The following LAMB1 variants were observed in gnomAD, a reference collection of about 807,000 sequenced individuals.
LAMB1 encodes the protein laminin subunit beta-1.
LAMB1 carries 121 observed loss-of-function variants against 222.3 expected under a neutral mutation model. The observed-to-expected ratio is 0.54, with a 90% CI of 0.47 to 0.63. LAMB1 has a LOEUF of 0.63. LAMB1 is among the 30% of genes least tolerant of loss of function. The pLI, the probability that LAMB1 is intolerant of heterozygous loss-of-function variation, is 0.00. For synonymous variants in LAMB1, 794 were observed against 807.2 expected (o/e 0.98, Z 0.28); for missense variants, 2,172 against 2,240.8 (o/e 0.97, Z 0.62).
intron 5 of LAMB1, among the ~76,000 whole-genome samples, chr7:107,991,461 CGT>C (rs1210020361): frequency 4.0e-5 from 6 of 151,860 alleles, no homozygotes; most frequent in African/African-American, 1.2e-4. Flanking sequence ...GTGGTACATG[CGT>C]GTAATCCCAG....
rs779206814 is a variant in LAMB1 at position 107,955,540 on chromosome 7, G to A, written c.2781C>T (p.Arg927=). The A allele has an allele frequency of 6.8e-6, 11 of 1,614,040 alleles. No individual in the cohort carries two copies. In the East Asian group the frequency reaches 2.0e-4, roughly 29 times the overall value. The change falls in exon 21 of 34, where the codon CGC becomes CGT. Residue 927 remains arginine (R), a synonymous_variant. Transcript: ENST00000222399. ...CPCPDGPDSG[R]QFARSCYQDP... Reference sequence around the variant, plus strand: ...CTTGGTAGCAGCTCCTGGCAAACTGGCGTCCACTGTCGGGACCATCTGGGC... The same window carrying A: ...CTTGGTAGCAGCTCCTGGCAAACTGACGTCCACTGTCGGGACCATCTGGGC...
rs1484473971 is a variant in LAMB1 at position 107,998,354 on chromosome 7, T to C, written c.349+3A>G. 2 of 1,613,920 alleles carry C rather than the reference T, an allele frequency of 1.2e-6. No individual in the cohort carries two copies. The highest frequency in any genetic ancestry group is 1.7e-6 in the Non-Finnish European group (2 of 1,179,938). Reference sequence around the variant, plus strand: ...GGAACTTGTCCCCACACCAACCACATACCATTTTCAGATTGCCACCAAATC... The same window carrying C: ...GGAACTTGTCCCCACACCAACCACACACCATTTTCAGATTGCCACCAAATC... On this transcript the variant is annotated splice_donor_region_variant and intron_variant, in intron 4 of 33. Transcript: ENST00000222399.
chr7:107,940,238 C>T lies in LAMB1; in HGVS notation c.3512G>A (p.Gly1171Glu). The T allele has an allele frequency of 1.2e-6, 2 of 1,614,178 alleles. No individual in the cohort carries two copies. The highest frequency in any genetic ancestry group is 1.7e-6 in the Non-Finnish European group (2 of 1,180,022). ...GCAGGGTGTGCAGTCAGGGAAGACC[C>T]CCGAGTACCCTCGCGTGCACTTGTC... Reference protein sequence around the residue: ...RCDKCTRGYSGVFPDCTPCHQ... With the variant: ...RCDKCTRGYSEVFPDCTPCHQ... Residue 1171 changes from glycine (G) to glutamate (E), a missense_variant, in exon 25 of 34, where the codon GGG becomes GAG. Physicochemically the swap from Gly to Glu is moderately conservative, Grantham distance 98 (BLOSUM62 -2). Transcript: ENST00000222399.
intron 2 of LAMB1, chr7:108,002,397 G>A (rs2150459147): frequency 7.6e-7 from 1 of 1,315,038 alleles, no homozygotes; most frequent in Non-Finnish European, 1.0e-6. Flanking sequence ...GGTGCCATCC[G>A]GAGACAAACA....
At chr7:107,943,409 A>G (rs917781189) in intron 24 of LAMB1, among the ~76,000 whole-genome samples, 22 of 152,240 alleles carry the variant, frequency 1.4e-4, no homozygotes, top group Admixed American at 1.3e-4. Context: ...GAGATTAGGA[A>G]GAACTTAGAT....
At chr7:107,962,327 A>G (rs1466485933) in intron 15 of LAMB1, among the ~76,000 whole-genome samples, 2 of 152,204 alleles carry the variant, frequency 1.3e-5, no homozygotes, top group African/African-American at 4.8e-5. Flanking sequence ...AGGGAAGGAG[A>G]GGATCTCATA....
In LAMB1 at chr7:107,926,269, G is replaced by A. The variant is rs139866849; in HGVS notation, c.4978C>T (p.Arg1660Trp). ...ELERNVEELK[R>W]KAAQNSGEAE... The stretch of plus-strand genomic sequence containing the variant: ...TCCCCGGAGTTTTGGGCAGCTTTCC[G>A]CTTAAGTTCTTCCACATTCCTCTCT... The change falls in exon 32 of 34, where the codon CGG becomes TGG. Residue 1660 changes from arginine to tryptophan, a missense_variant. Coordinates refer to ENST00000222399, the MANE Select transcript of LAMB1 (RefSeq NM_002291.3). The A allele has an allele frequency of 3.2e-5, 51 of 1,613,672 alleles. No individual in the cohort carries two copies. The African/African-American group carries it at 4.1e-4, about 13-fold the overall frequency.
intron 27 of LAMB1, 42 bp downstream of exon 27, chr7:107,935,373 T>G: frequency 6.3e-6 from 7 of 1,103,488 alleles, no homozygotes; most frequent in East Asian, 6.7e-5. Flanking sequence ...TTTTTTTTTT[T>G]GCTTGGCACC....
Position 107,931,641 on chromosome 7 carries a change from A to G in LAMB1, c.4393-141T>C, listed in dbSNP as rs949168432. The G allele has an allele frequency of 3.6e-5, 28 of 770,296 alleles. No individual in the cohort carries two copies. In the South Asian group the frequency reaches 4.1e-4, roughly 11 times the overall value. 47.7% of individuals were successfully genotyped at this position (770,296 alleles called of 1,614,324 possible). ...CTGGGAAACAACTTTCTCCCATTCA[A>G]CAAAGTATTGTATCTTACAGACTGC... is the stretch of plus-strand genomic sequence containing the variant. On this transcript the variant is annotated intron_variant, in intron 28 of 33. Coordinates refer to ENST00000222399, the MANE Select transcript of LAMB1 (RefSeq NM_002291.3).
chr7:107,926,398 A>T (rs1393788908), intron 31 of LAMB1, 39 bp from the exon 32 acceptor site: 6 of 1,573,386 alleles, frequency 3.8e-6, no homozygotes, highest in Non-Finnish European at 5.2e-6. Context: ...CATTAGTTTA[A>T]GAAATGGAAT....
intron 20 of LAMB1, 74 bp downstream of exon 20, chr7:107,959,175 T>C: frequency 8.7e-7 from 1 of 1,148,264 alleles, no homozygotes; most frequent in East Asian, 2.4e-5. Flanking sequence ...GGAGATGAAT[T>C]CTGTGGTTGG....
chr7:107,981,820 G>A (rs918890714), intron 7 of LAMB1, among the ~76,000 whole-genome samples: 4 of 152,082 alleles, frequency 2.6e-5, no homozygotes, highest in African/African-American at 7.2e-5. Flanking sequence ...ATTTTTGGAA[G>A]GGAAAATTTG....
chr7:107,931,254 A>G, intron 29 of LAMB1, 102 bp downstream of exon 29: 2 of 931,686 alleles, frequency 2.1e-6, no homozygotes, highest in Non-Finnish European at 1.6e-6. Context: ...TCTTATTTGG[A>G]AATGTCACTT....
At chr7:107,999,564 T>C (rs1263683678) in intron 3 of LAMB1, among the ~76,000 whole-genome samples, 1 of 152,154 alleles carries the variant, frequency 6.6e-6, no homozygotes, top group Admixed American at 6.5e-5. Context: ...ACTGGCAAGA[T>C]GTACTGTCTA....
chr7:107,986,388 T>C (rs1436115763), intron 5 of LAMB1, 25 bp from the exon 6 acceptor site: 3 of 1,549,320 alleles, frequency 1.9e-6, no homozygotes, highest in African/African-American at 1.4e-5. Flanking sequence ...AAAAATCTCA[T>C]TTGATGTTTT....
At position 107,951,083 on chromosome 7, in the gene LAMB1, G is replaced by A. The variant is rs1412304486; in HGVS notation, c.3391+143C>T. 6.4e-6 allele frequency: 4 copies of A among 627,182 alleles called. No individual in the cohort carries two copies. In the Admixed American group the frequency reaches 9.0e-5, roughly 14 times the overall value. 38.9% of individuals were successfully genotyped at this position (627,182 alleles called of 1,614,324 possible). ...TGTTAGATTGTTTTTTAAACAATCA[G>A]TGTTAATTTATTTTGCAATTAAATA... On this transcript the variant is annotated intron_variant, in intron 24 of 33. Coordinates refer to ENST00000222399, the MANE Select transcript of LAMB1 (RefSeq NM_002291.3).
In LAMB1 at chr7:107,974,994, G is replaced by C. The variant is rs1228681792; in HGVS notation, c.1474C>G (p.Gln492Glu). 1 of 1,587,804 alleles carries C rather than the reference G, an allele frequency of 6.3e-7. No homozygotes were observed. Among genetic ancestry groups the C allele is most frequent in the Non-Finnish European group, 8.6e-7 (1 of 1,157,354 alleles). ...KRLVTGQHCD[Q>E]CLPEHWGLSN... ...AATGAGGATTTACTTACCAGGCACT[G>C]GTCACAATGCTGTCCTGTCACCAGA... The change falls in exon 12 of 34, where the codon CAG (glutamine) becomes GAG (glutamate). Residue 492 changes from glutamine to glutamate, a missense_variant. Physicochemically the swap from Gln to Glu is conservative, Grantham distance 29. Coordinates refer to ENST00000222399, the MANE Select transcript of LAMB1 (RefSeq NM_002291.3).
chr7:107,948,913 A>T lies in LAMB1; in HGVS notation c.3391+2313T>A, dbSNP rs773754752. 6.4e-4 allele frequency among the ~76,000 whole-genome samples: 98 copies of T among 152,248 alleles called. 1 individual carries two copies. Among genetic ancestry groups the T allele is most frequent in the Admixed American group, 3.3e-4 (5 of 15,294 alleles). ...TTTCTATGATTATCTTACAGAAAAA[A>T]AAAGGAAATGCCAAAGGGAGGAGTA... On this transcript the variant is annotated intron_variant, in intron 24 of 33. Transcript: ENST00000222399.
chr7:107,926,431 G>A, intron 31 of LAMB1, 72 bp from the exon 32 acceptor site: 1 of 1,331,396 alleles, frequency 7.5e-7, no homozygotes, highest in Non-Finnish European at 1.0e-6. Flanking sequence ...AAGTTTGGAG[G>A]AAGATTTAAA....
Sources: allele counts gnomAD v4.1 joint callset (sites outside exome capture counted in the v4.1 genomes callset), GRCh38; gene constraint gnomAD v4.1.1; transcripts MANE v1.5; gene names NCBI Gene and HGNC (gene_info 2026-07-23, HGNC 2026-07-21).